CUL5: variants seen among roughly 807,000 people sequenced by gnomAD.
The protein encoded by CUL5 is cullin 5, also known as cullin-5.
CUL5 carries 26 observed loss-of-function variants against 108.8 expected under a neutral mutation model. The observed-to-expected ratio is 0.24, with a 90% CI of 0.18 to 0.33. The LOEUF (loss-of-function observed/expected upper bound fraction) is 0.33. Among genes scored for constraint, CUL5 ranks in the 10% least tolerant of loss-of-function variants. The pLI is 1.00. For missense variants in CUL5, 524 were observed against 909.2 expected (o/e 0.58, Z 5.45); for synonymous variants, 334 against 298.0 (o/e 1.12, Z -1.25).
intron 3 of CUL5, among the ~76,000 whole-genome samples, chr11:108,048,694 T>C (rs1314139520): frequency 7.5e-6 from 1 of 133,720 alleles, no homozygotes; most frequent in African/African-American, 2.9e-5. Context: ...TGAGGTGGAT[T>C]CTCACTTTGT....
chr11:108,098,390 G>A lies in CUL5; in HGVS notation c.2025-16G>A, dbSNP rs1184504979. On this transcript the variant is annotated splice_polypyrimidine_tract_variant and intron_variant, in intron 17 of 18. Coordinates refer to ENST00000393094, the MANE Select transcript of CUL5 (RefSeq NM_003478.6). The stretch of plus-strand genomic sequence containing the variant: ...TGTTTTTCACCATAAAATACTTGAT[G>A]CAATTCTTTTTGTAGAAAAAATGCA... 3 of 1,593,546 alleles carry A rather than the reference G, an allele frequency of 1.9e-6. No individual in the cohort carries two copies. The highest frequency in any genetic ancestry group is 1.7e-6 in the Non-Finnish European group (2 of 1,172,172).
chr11:108,046,560 C>T (rs1204800458), intron 3 of CUL5, 191 bp downstream of exon 3: 1 of 510,030 alleles, frequency 2.0e-6, no homozygotes, highest in Non-Finnish European at 3.4e-6. Context: ...AGTGATACTT[C>T]TGTCAAGAGA....
At chr11:108,070,009 TGAACAA>T in intron 7 of CUL5, 81 bp from the exon 8 acceptor site, 2 of 808,400 alleles carry the variant, frequency 2.5e-6, no homozygotes, top group Admixed American at 2.4e-5. Flanking sequence ...TTTTTTTTGT[TGAACAA>T]TATTGTTTTA....
chr11:108,091,695 T>TCA (rs71303233), intron 13 of CUL5, among the ~76,000 whole-genome samples: 20,998 of 138,028 alleles, frequency 0.15, 1,597 homozygotes, highest in Middle Eastern at 0.24. Context: ...TCTCTCTCAC[T>TCA]CACACACACA....
intron 18 of CUL5, among the ~76,000 whole-genome samples, chr11:108,103,110 G>T (rs1183285289): frequency 6.6e-6 from 1 of 152,158 alleles, no homozygotes; most frequent in East Asian, 1.9e-4. Context: ...CATGCCTTTT[G>T]TTGGGTAAAG....
At chr11:108,101,208 C>G (rs1398669530) in intron 18 of CUL5, among the ~76,000 whole-genome samples, 1 of 152,218 alleles carries the variant, frequency 6.6e-6, no homozygotes, top group Non-Finnish European at 1.5e-5. Context: ...CATCCTCATT[C>G]ATTGCTATTT....
chr11:108,045,735 C>T (rs1368834760), intron 2 of CUL5, among the ~76,000 whole-genome samples: 3 of 152,096 alleles, frequency 2.0e-5, no homozygotes, highest in East Asian at 1.9e-4. Context: ...GTGGCATGCT[C>T]CTATAGTACC....
rs1864823780 is a variant in CUL5, at chr11:108,107,178, C to T, written c.*2794C>T. ...GTTCTGTCAACTTTTTTATTTAAGT[C>T]TCTTGCTCTTATTTTGTGCATAAAT... On this transcript the variant is annotated 3_prime_UTR_variant, in exon 19 of 19. Coordinates refer to ENST00000393094, the MANE Select transcript of CUL5 (RefSeq NM_003478.6). 6.6e-6 allele frequency: 1 copy of T among 151,612 alleles called. No individual in the cohort carries two copies. The highest frequency in any genetic ancestry group is 2.4e-5 in the African/African-American group (1 of 41,278). The allele number at this position is 151,612 out of a possible 1,614,324, so 9.4% of individuals were successfully genotyped here.
chr11:108,082,856 G>A (rs1431790670), intron 11 of CUL5, among the ~76,000 whole-genome samples: 2 of 151,642 alleles, frequency 1.3e-5, no homozygotes, highest in Non-Finnish European at 2.9e-5. Flanking sequence ...TGAATTCCTG[G>A]GTTCAAGTGA....
At chr11:108,098,057 C>CGTTTTTGTTTTT (rs377067253) in intron 17 of CUL5, among the ~76,000 whole-genome samples, 1 of 151,822 alleles carries the variant, frequency 6.6e-6, no homozygotes, top group African/African-American at 2.4e-5. Flanking sequence ...TGTTTTGTTT[C>CGTTTTTGTTTTT]GTTTTTGTTT....
intron 4 of CUL5, among the ~76,000 whole-genome samples, chr11:108,051,556 G>A (rs1265153799): frequency 2.0e-5 from 3 of 152,160 alleles, no homozygotes; most frequent in Non-Finnish European, 4.4e-5. Flanking sequence ...GTTAACTCTT[G>A]TTGTTATTGT....
chr11:108,032,101 A>G (rs2135083267), intron 1 of CUL5, among the ~76,000 whole-genome samples: 1 of 152,330 alleles, frequency 6.6e-6, no homozygotes, highest in Admixed American at 6.5e-5. Flanking sequence ...TCTGTACAAC[A>G]AATCCCCATG....
At chr11:108,021,558 C>T (rs940725386) in intron 1 of CUL5, among the ~76,000 whole-genome samples, 1 of 152,166 alleles carries the variant, frequency 6.6e-6, no homozygotes, top group Non-Finnish European at 1.5e-5. Context: ...TATCATAGGT[C>T]ACTGCAGCCT....
At chr11:108,037,517 G>A (rs992565352) in intron 2 of CUL5, among the ~76,000 whole-genome samples, 1 of 152,156 alleles carries the variant, frequency 6.6e-6, no homozygotes, top group East Asian at 1.9e-4. Flanking sequence ...AATCAACAAA[G>A]GGAAAAAGTG....
At chr11:108,101,463 G>C (rs1305350590) in intron 18 of CUL5, among the ~76,000 whole-genome samples, 1 of 152,200 alleles carries the variant, frequency 6.6e-6, no homozygotes, top group Non-Finnish European at 1.5e-5. Context: ...CCTCTTCCCT[G>C]CTCTCTTTCC....
At chr11:108,090,675 C>T (rs189841298) in intron 13 of CUL5, among the ~76,000 whole-genome samples, 26 of 151,978 alleles carry the variant, frequency 1.7e-4, no homozygotes, top group Admixed American at 9.2e-4. Context: ...ACTAAATTCC[C>T]ATATAAAGTA....
chr11:108,091,331 G>A (rs1010846517), intron 13 of CUL5, among the ~76,000 whole-genome samples: 23 of 151,560 alleles, frequency 1.5e-4, no homozygotes, highest in Non-Finnish European at 2.8e-4. Context: ...GATTACAGGC[G>A]TGAGCCACCA....
chr11:108,074,353 C>T (rs1399834878), intron 10 of CUL5, among the ~76,000 whole-genome samples: 6 of 151,702 alleles, frequency 4.0e-5, no homozygotes, highest in African/African-American at 1.5e-4. Context: ...AACCACCATG[C>T]CCGGCTAATT....
intron 7 of CUL5, among the ~76,000 whole-genome samples, chr11:108,062,000 G>A (rs556636894): frequency 1.3e-5 from 2 of 152,220 alleles, no homozygotes; most frequent in Admixed American, 1.3e-4. Flanking sequence ...AAACCTTGCT[G>A]ATCCAATCAC....
Sources: allele counts gnomAD v4.1 joint callset (sites outside exome capture counted in the v4.1 genomes callset), GRCh38; gene constraint gnomAD v4.1.1; transcripts MANE v1.5; gene names NCBI Gene and HGNC (gene_info 2026-07-23, HGNC 2026-07-21).